PLAG1: variants seen among roughly 807,000 people sequenced by gnomAD.
PLAG1 encodes zinc finger protein PLAG1.
A neutral mutation model predicts 35.5 loss-of-function variants in PLAG1; 7 were observed. The observed-to-expected ratio is 0.20, with a 90% CI of 0.11 to 0.37. PLAG1 has a LOEUF of 0.37. PLAG1 is among the 10% of genes least tolerant of loss of function. The probability of loss-of-function intolerance (pLI) is 1.00; values close to 1 mark genes in which losing one functional copy is unlikely to be tolerated. For synonymous variants in PLAG1, 229 were observed against 225.4 expected (o/e 1.02, Z -0.14); for missense variants, 454 against 602.8 (o/e 0.75, Z 2.58).
chr8:56,176,498 T>G (rs909755187), intron 2 of PLAG1, among the ~76,000 whole-genome samples: 1 of 152,082 alleles, frequency 6.6e-6, no homozygotes, highest in Non-Finnish European at 1.5e-5. Context: ...CACTGAGATA[T>G]TTTCATTTTT....
At chr8:56,184,048 T>C (rs1351799114) in intron 1 of PLAG1, among the ~76,000 whole-genome samples, 1 of 152,160 alleles carries the variant, frequency 6.6e-6, no homozygotes, top group African/African-American at 2.4e-5. Flanking sequence ...GACAAGCCAT[T>C]AGAAGATTAG....
chr8:56,200,846 A>G (rs1812527132), intron 1 of PLAG1, among the ~76,000 whole-genome samples: 1 of 152,192 alleles, frequency 6.6e-6, no homozygotes, highest in Admixed American at 6.5e-5. Flanking sequence ...CCATTCATTT[A>G]GCATTTTAAA....
At chr8:56,195,334 A>G (rs1812327939) in intron 1 of PLAG1, among the ~76,000 whole-genome samples, 1 of 152,226 alleles carries the variant, frequency 6.6e-6, no homozygotes, top group Admixed American at 6.5e-5. Context: ...GGGAGCCATT[A>G]CCAGGATAAA....
rs1049518075 is a variant in PLAG1, at chr8:56,164,230, G to A, written c.*2013C>T. 5.0e-6 allele frequency: 1 copy of A among 202,012 alleles called. No individual in the cohort carries two copies. Among genetic ancestry groups the A allele is most frequent in the African/African-American group, 2.3e-5 (1 of 43,580 alleles). The allele number at this position is 202,012 out of a possible 1,614,324, so 12.5% of individuals were successfully genotyped here. On this transcript the variant is annotated 3_prime_UTR_variant, in exon 5 of 5. Transcript: ENST00000316981. ...TAAGTATAAAAACTACTGCTCCAAG[G>A]ATTAAAAAAATATAGGAGCATGATA...
chr8:56,178,086 A>T, intron 2 of PLAG1: 1 of 581,916 alleles, frequency 1.7e-6, no homozygotes, highest in Non-Finnish European at 2.1e-6. Context: ...CTACAGGTTG[A>T]TCATGATTTA....
At chr8:56,189,039 A>C (rs572917303) in intron 1 of PLAG1, among the ~76,000 whole-genome samples, 1 of 152,288 alleles carries the variant, frequency 6.6e-6, no homozygotes, top group South Asian at 2.1e-4. Context: ...TCAGAACAGG[A>C]TCCTGCCTTT....
At chr8:56,199,764 TC>T (rs1370259029) in intron 1 of PLAG1, among the ~76,000 whole-genome samples, 3 of 152,066 alleles carry the variant, frequency 2.0e-5, no homozygotes, top group African/African-American at 7.2e-5. Flanking sequence ...GGGCTGGGCA[TC>T]ATTACAGAGG....
chr8:56,191,367 G>A (rs1375916464), intron 1 of PLAG1, among the ~76,000 whole-genome samples: 1 of 152,170 alleles, frequency 6.6e-6, no homozygotes, highest in South Asian at 2.1e-4. Context: ...GCAGGAGCAA[G>A]GAAGGAAGTG....
chr8:56,173,063 C>T (rs73594282), intron 2 of PLAG1, among the ~76,000 whole-genome samples: 5,117 of 152,088 alleles, frequency 0.034, 126 homozygotes, highest in African/African-American at 0.068. Context: ...TTCTCCAATC[C>T]ATATAAATTT....
chr8:56,182,421 G>A (rs1811897666), intron 1 of PLAG1, among the ~76,000 whole-genome samples: 1 of 152,078 alleles, frequency 6.6e-6, no homozygotes, highest in African/African-American at 2.4e-5. Flanking sequence ...ACCTCTATGA[G>A]GCAAAATCAG....
chr8:56,166,473 T>A lies in PLAG1; in HGVS notation c.1273A>T (p.Ile425Leu). ...ALDFSQLFNFIPLNGPPYNPL... is the reference protein window; with the variant it reads ...ALDFSQLFNFLPLNGPPYNPL... Reference sequence around the variant, plus strand: ...TTATAGGGAGGACCATTTAAAGGTATGAAATTAAACAACTGAGAAAAATCC... The same window carrying A: ...TTATAGGGAGGACCATTTAAAGGTAAGAAATTAAACAACTGAGAAAAATCC... The change falls in exon 5 of 5, where the codon ATA (isoleucine) becomes TTA (leucine). Residue 425 changes from isoleucine to leucine, a missense_variant. Physicochemically the swap from Ile to Leu is conservative, Grantham distance 5. This residue lies in a region of PLAG1 where 271 missense variants were observed against 315.6 expected (regional missense o/e 0.86). Coordinates refer to ENST00000316981, the MANE Select transcript of PLAG1 (RefSeq NM_002655.3). 6.2e-7 allele frequency: 1 copy of A among 1,613,766 alleles called. No homozygotes were observed. The highest frequency in any genetic ancestry group is 8.5e-7 in the Non-Finnish European group (1 of 1,179,776).
intron 1 of PLAG1, among the ~76,000 whole-genome samples, chr8:56,187,174 A>G (rs1812045965): frequency 6.6e-6 from 1 of 152,190 alleles, no homozygotes; most frequent in South Asian, 2.1e-4. Context: ...GCATGATGAT[A>G]CACTCCTCAG....
intron 1 of PLAG1, among the ~76,000 whole-genome samples, chr8:56,188,588 TGTTTGCTTTC>T (rs1812089592): frequency 6.6e-6 from 1 of 152,244 alleles, no homozygotes; most frequent in Admixed American, 6.5e-5. Context: ...ATGCTGGACT[TGTTTGCTTTC>T]TTTTGCTTTA....
At chr8:56,175,538 T>A (rs1188405974) in intron 2 of PLAG1, among the ~76,000 whole-genome samples, 7 of 152,226 alleles carry the variant, frequency 4.6e-5, no homozygotes, top group African/African-American at 1.4e-4. Flanking sequence ...TTAGATGTCA[T>A]AGTTAACTAA....
At chr8:56,210,028 A>G (rs919548993) in intron 1 of PLAG1, among the ~76,000 whole-genome samples, 1 of 152,174 alleles carries the variant, frequency 6.6e-6, no homozygotes, top group African/African-American at 2.4e-5. Flanking sequence ...CACATTACCA[A>G]TAAGTTTAGC....
intron 2 of PLAG1, among the ~76,000 whole-genome samples, chr8:56,172,535 T>C (rs1027128443): frequency 4.6e-5 from 7 of 152,246 alleles, no homozygotes; most frequent in Non-Finnish European, 7.3e-5. Flanking sequence ...TTGTGTATTA[T>C]GTTATTTTAA....
chr8:56,198,504 C>T (rs1278594925), intron 1 of PLAG1, among the ~76,000 whole-genome samples: 2 of 152,210 alleles, frequency 1.3e-5, no homozygotes, highest in East Asian at 1.9e-4. Flanking sequence ...AACCCCCGCT[C>T]TGCTCCGGAG....
intron 2 of PLAG1, among the ~76,000 whole-genome samples, chr8:56,176,046 C>CTTTTT (rs1309523141): frequency 1.7e-4 from 22 of 130,088 alleles, no homozygotes; most frequent in African/African-American, 4.6e-4. Context: ...TTTTCCTTTT[C>CTTTTT]TTTTTTTTTT....
At chr8:56,189,965 A>G (rs566707328) in intron 1 of PLAG1, among the ~76,000 whole-genome samples, 44 of 152,312 alleles carry the variant, frequency 2.9e-4, no homozygotes, top group Non-Finnish European at 6.0e-4. Flanking sequence ...CTGCTTTAAC[A>G]AGTGTAACTG....
Sources: allele counts gnomAD v4.1 joint callset (sites outside exome capture counted in the v4.1 genomes callset), GRCh38; gene constraint gnomAD v4.1.1; regional missense constraint gnomAD v4.1.1; transcripts MANE v1.5; gene names NCBI Gene and HGNC (gene_info 2026-07-23, HGNC 2026-07-21).